The following IQCJ variants were observed in gnomAD, a reference collection of about 807,000 sequenced individuals.
IQCJ encodes IQ motif containing J.
Under a neutral mutation model 11.0 loss-of-function variants are expected in IQCJ, and 9 were observed. The ratio of observed to expected loss-of-function variants is 0.82; its 90% CI spans 0.49 to 1.43. The LOEUF is 1.43. Ranked by LOEUF, IQCJ falls within the 40% of genes most tolerant of loss-of-function variation. IQCJ has a pLI of 0.00. For synonymous variants in IQCJ, 55 were observed against 51.3 expected, an observed-to-expected ratio of 1.07 and a Z score of -0.31; for missense variants, 146 against 133.2, an observed-to-expected ratio of 1.10 and a Z score of -0.47.
chr3:159,238,699 G>T (rs1179323050), intron 1 of IQCJ, among the ~76,000 whole-genome samples: 1 of 152,190 alleles, frequency 6.6e-6, no homozygotes, highest in Non-Finnish European at 1.5e-5. Flanking sequence ...CTGCTTGAAG[G>T]AGGGGAAAAT....
chr3:159,081,100 C>G (rs1053218604), intron 1 of IQCJ, among the ~76,000 whole-genome samples: 2 of 152,082 alleles, frequency 1.3e-5, no homozygotes, highest in Non-Finnish European at 2.9e-5. Context: ...GTGATTTCAT[C>G]ATGGACTCAA....
At chr3:159,185,108 C>T (rs1178521038) in intron 1 of IQCJ, among the ~76,000 whole-genome samples, 5 of 152,208 alleles carry the variant, frequency 3.3e-5, no homozygotes, top group East Asian at 3.8e-4. Context: ...AGAGCCCTAT[C>T]AGGCCCATTA....
intron 1 of IQCJ, among the ~76,000 whole-genome samples, chr3:159,176,286 T>C (rs574536696): frequency 6.2e-4 from 95 of 152,232 alleles, no homozygotes; most frequent in African/African-American, 2.2e-3. Flanking sequence ...TTGTTTTTAA[T>C]TTTTCTAGTT....
At chr3:159,182,985 T>C (rs1393981777) in intron 1 of IQCJ, among the ~76,000 whole-genome samples, 1 of 152,104 alleles carries the variant, frequency 6.6e-6, no homozygotes, top group Non-Finnish European at 1.5e-5. Context: ...GGTGGTCTCC[T>C]CCCTTAGTAG....
At chr3:159,150,435 C>G (rs1721143455) in intron 1 of IQCJ, among the ~76,000 whole-genome samples, 1 of 152,012 alleles carries the variant, frequency 6.6e-6, no homozygotes, top group Admixed American at 6.6e-5. Flanking sequence ...TGAATGAATC[C>G]CTGTGAGTCT....
chr3:159,238,145 T>C (rs9852196), intron 1 of IQCJ, among the ~76,000 whole-genome samples: 22,772 of 152,098 alleles, frequency 0.15, 1,946 homozygotes, highest in Middle Eastern at 0.21. Context: ...ATATGCACTA[T>C]CTTGTGGGAA....
intron 1 of IQCJ, among the ~76,000 whole-genome samples, chr3:159,206,338 G>A (rs79016021): frequency 0.012 from 1,865 of 152,240 alleles, 32 homozygotes; most frequent in African/African-American, 0.042. Flanking sequence ...ATGTGGTGCT[G>A]AATAGTTTAC....
intron 1 of IQCJ, among the ~76,000 whole-genome samples, chr3:159,079,662 T>C (rs561130469): frequency 6.6e-6 from 1 of 152,180 alleles, no homozygotes; most frequent in East Asian, 1.9e-4. Flanking sequence ...GAATGCACAG[T>C]TTATGACCTC....
At chr3:159,105,861 C>T (rs190412719) in intron 1 of IQCJ, among the ~76,000 whole-genome samples, 13 of 152,152 alleles carry the variant, frequency 8.5e-5, no homozygotes, top group African/African-American at 9.6e-5. Flanking sequence ...TGGATATCAT[C>T]GTAAGTGTAG....
chr3:159,069,556 A>G, intron 1 of IQCJ, 115 bp downstream of exon 1: 1 of 1,431,920 alleles, frequency 7.0e-7, no homozygotes, highest in Non-Finnish European at 9.3e-7. Context: ...TGTCAAAAAG[A>G]GCTTATAGAA....
intron 1 of IQCJ, among the ~76,000 whole-genome samples, chr3:159,218,341 T>TTGTGTGTGTGTGTG (rs34078356): frequency 6.9e-6 from 1 of 145,914 alleles, no homozygotes; most frequent in African/African-American, 2.5e-5. Context: ...GAGTCCCTCT[T>TTGTGTGTGTGTGTG]TGTGTGTGTG....
chr3:159,114,390 A>C (rs887510363), intron 1 of IQCJ, among the ~76,000 whole-genome samples: 6 of 150,478 alleles, frequency 4.0e-5, no homozygotes, highest in Admixed American at 3.3e-4. Flanking sequence ...AGCTCACTGC[A>C]ACCTCTGTCT....
At chr3:159,088,938 A>G (rs1283025042) in intron 1 of IQCJ, among the ~76,000 whole-genome samples, 1 of 151,480 alleles carries the variant, frequency 6.6e-6, no homozygotes, top group Non-Finnish European at 1.5e-5. Flanking sequence ...TAATATTGTT[A>G]TGTGTGAATT....
chr3:159,207,722 A>G (rs1440925969), intron 1 of IQCJ, among the ~76,000 whole-genome samples: 5 of 152,214 alleles, frequency 3.3e-5, no homozygotes, highest in African/African-American at 1.2e-4. Context: ...AAGGCTAGAA[A>G]GTTGTTTTAA....
chr3:159,085,680 A>AT (rs1210197581), intron 1 of IQCJ, among the ~76,000 whole-genome samples: 1 of 150,116 alleles, frequency 6.7e-6, no homozygotes, highest in East Asian at 2.0e-4. Context: ...GATGATAAGC[A>AT]TTTTTTCATG....
At chr3:159,162,341 T>C (rs1721912624) in intron 1 of IQCJ, among the ~76,000 whole-genome samples, 1 of 152,222 alleles carries the variant, frequency 6.6e-6, no homozygotes, top group Non-Finnish European at 1.5e-5. Flanking sequence ...TTGTCTGTTA[T>C]TGGTGTATAA....
chr3:159,107,135 ATT>A (rs933554952), intron 1 of IQCJ, among the ~76,000 whole-genome samples: 1 of 152,130 alleles, frequency 6.6e-6, no homozygotes, highest in Admixed American at 6.5e-5. Context: ...TGTGGTTTAA[ATT>A]TTTGTGTCTC....
intron 1 of IQCJ, among the ~76,000 whole-genome samples, chr3:159,131,107 G>A (rs758213825): frequency 3.3e-5 from 5 of 152,192 alleles, no homozygotes; most frequent in Non-Finnish European, 7.3e-5. Flanking sequence ...AGAGCAGCAT[G>A]GAGGAATGAG....
intron 1 of IQCJ, among the ~76,000 whole-genome samples, chr3:159,218,341 T>TG (rs1725347287): frequency 6.9e-6 from 1 of 145,914 alleles, no homozygotes; most frequent in South Asian, 2.2e-4. Flanking sequence ...GAGTCCCTCT[T>TG]TGTGTGTGTG....
Sources: gnomAD v4.1 joint callset for allele counts (sites outside exome capture counted in the v4.1 genomes callset) on GRCh38, gnomAD v4.1.1 for gene constraint, MANE v1.5 for transcripts, NCBI Gene and HGNC (gene_info 2026-07-23, HGNC 2026-07-21) for gene names.